UHRF1: variants seen among roughly 807,000 people sequenced by gnomAD.
UHRF1 encodes the protein E3 ubiquitin-protein ligase UHRF1.
In UHRF1, 9 loss-of-function variants were observed where a neutral mutation model predicts 96.5. That is an observed-to-expected ratio of 0.09 (90% CI 0.06 to 0.16). UHRF1 has a LOEUF of 0.16. UHRF1 is among the 10% of genes least tolerant of loss of function. UHRF1 has a pLI of 1.00. For missense variants in UHRF1, 626 were observed against 1,131.1 expected, an observed-to-expected ratio of 0.55 and a Z score of 6.40; for synonymous variants, 455 against 469.9, an observed-to-expected ratio of 0.97 and a Z score of 0.41.
At chr19:4,957,973 T>C (rs2033901747) in intron 16 of UHRF1, among the ~76,000 whole-genome samples, 1 of 152,244 alleles carries the variant, frequency 6.6e-6, no homozygotes, top group African/African-American at 2.4e-5. Context: ...TCTGAGTTGC[T>C]GGCGGTTTTC....
At position 4,956,651 on chromosome 19, in the gene UHRF1, G is replaced by A. The variant is rs2033864063; in HGVS notation, c.2131-58G>A. ...GGTACATGCTCAGCAGGAAGCCACT[G>A]ATCTGTGGGAGCCCTGGTCCCGGTG... is the stretch of plus-strand genomic sequence containing the variant. On this transcript the variant is annotated intron_variant, in intron 15 of 16. Coordinates refer to ENST00000650932, the MANE Select transcript of UHRF1 (RefSeq NM_001048201.3). 6 of 1,098,840 alleles carry A rather than the reference G, an allele frequency of 5.5e-6. No homozygotes were observed. In the South Asian group the frequency reaches 8.0e-5, roughly 15 times the overall value. The allele number at this position is 1,098,840 out of a possible 1,614,324, so 68.1% of individuals were successfully genotyped here.
rs1205710443 is a variant in UHRF1, at chr19:4,952,225, T to G, written c.1818+1229T>G. On this transcript the variant is annotated intron_variant, in intron 13 of 16. Coordinates refer to ENST00000650932, the MANE Select transcript of UHRF1 (RefSeq NM_001048201.3). ...CTCCTGCCTCAGCCTCCTGAGTAGC[T>G]GGGATTACAGGTGCCCACCACCACG... Among the ~76,000 whole-genome samples, 3 of 151,844 alleles carry G rather than the reference T, an allele frequency of 2.0e-5. No homozygotes were observed. The East Asian group carries it at 5.8e-4, about 29-fold the overall frequency.
In UHRF1 at chr19:4,930,276, G is replaced by GT. The variant is rs1183421912; in HGVS notation, c.409-436dup. Among the ~76,000 whole-genome samples the GT allele has an allele frequency of 2.0e-5, 3 of 152,166 alleles. No homozygotes were observed. Among genetic ancestry groups the GT allele is most frequent in the Non-Finnish European group, 4.4e-5 (3 of 68,030 alleles). ...AGGTGTGAGCCACTGCACCCAGTCT[G>GT]TTTTATTTTTTAGTAGACACAGCGT... On this transcript the variant is annotated intron_variant, in intron 3 of 16. Coordinates refer to ENST00000650932, the MANE Select transcript of UHRF1 (RefSeq NM_001048201.3). This position sits in a 1 kb window ranked among gnomAD's most constrained non-coding sequence, Gnocchi z 4.4.
At chr19:4,918,872 C>T (rs2032610925) in intron 2 of UHRF1, among the ~76,000 whole-genome samples, 1 of 151,738 alleles carries the variant, frequency 6.6e-6, no homozygotes, top group Non-Finnish European at 1.5e-5. Flanking sequence ...AGGCTGTATA[C>T]TACTATACCT....
intron 2 of UHRF1, among the ~76,000 whole-genome samples, chr19:4,927,864 C>T (rs1156542724): frequency 6.6e-6 from 1 of 152,240 alleles, no homozygotes; most frequent in Non-Finnish European, 1.5e-5. Flanking sequence ...TACATGGAAA[C>T]CAACCGAGTC....
At position 4,931,298 on chromosome 19, in the gene UHRF1, C is replaced by G. The variant is rs935133652; in HGVS notation, c.569+422C>G. 8.5e-5 allele frequency among the ~76,000 whole-genome samples: 13 copies of G among 152,268 alleles called. No individual in the cohort carries two copies. In the East Asian group the frequency reaches 2.3e-3, roughly 27 times the overall value. On this transcript the variant is annotated intron_variant, in intron 4 of 16. Transcript: ENST00000650932. ...TGGCTGCGTCTGTCCGTGCTGCCAT[C>G]GTGAGATTTCACAGACGGTGTGGCT...
At position 4,911,008 on chromosome 19, in the gene UHRF1, C is replaced by A. The variant is rs758048407; in HGVS notation, c.123C>A (p.Gly41=). The change falls in exon 2 of 17, where the codon GGC becomes GGA. Residue 41 remains glycine, a synonymous_variant. Transcript: ENST00000650932. ...AGGAGCTGTTCCACGTGGAGCCAGG[C>A]CTGCAGAGGCTGTTCTACAGGGGCA... is the stretch of plus-strand genomic sequence containing the variant. ...KIQELFHVEP[G]LQRLFYRGKQ... 4 of 1,610,100 alleles carry A rather than the reference C, an allele frequency of 2.5e-6. No individual in the cohort carries two copies. The highest frequency in any genetic ancestry group is 1.7e-5 in the Admixed American group (1 of 59,702).
At chr19:4,917,921 G>A (rs1046323802) in intron 2 of UHRF1, among the ~76,000 whole-genome samples, 5 of 151,810 alleles carry the variant, frequency 3.3e-5, no homozygotes, top group African/African-American at 1.2e-4. Flanking sequence ...TCGGCCTTCT[G>A]AGTAGTTGGG....
chr19:4,929,128 G>C, intron 2 of UHRF1, 94 bp from the exon 3 acceptor site: 5 of 1,506,706 alleles, frequency 3.3e-6, no homozygotes, highest in Non-Finnish European at 4.5e-6. Flanking sequence ...CCCCCACAAG[G>C]GCTGGGACAC....
intron 13 of UHRF1, among the ~76,000 whole-genome samples, chr19:4,951,401 A>C (rs550614673): frequency 3.1e-4 from 47 of 152,116 alleles, no homozygotes; most frequent in African/African-American, 1.1e-3. Context: ...TGTGGTGCTC[A>C]TGTTCTGGAC....
At chr19:4,942,598 G>A (rs920364123) in intron 7 of UHRF1, among the ~76,000 whole-genome samples, 7 of 152,052 alleles carry the variant, frequency 4.6e-5, no homozygotes, top group Admixed American at 4.6e-4. Flanking sequence ...ACAGGTGCCT[G>A]CCACCACATC....
Position 4,950,643 on chromosome 19 carries a change from A to G in UHRF1, c.1550A>G (p.Asn517Ser). Residue 517 changes from asparagine (N) to serine (S), a missense_variant, in exon 12 of 17, where the codon AAT becomes AGT. This residue lies in a region of UHRF1 where 61 missense variants were observed against 199.2 expected (regional missense o/e 0.31). Coordinates refer to ENST00000650932, the MANE Select transcript of UHRF1 (RefSeq NM_001048201.3). ...GCTCTCAACTGCTTTGCTCCCATCA[A>G]TGACCAAGAAGGGGCCGAGGCCAAG... The part of the protein sequence containing the change: ...ALALNCFAPI[N>S]DQEGAEAKDW... 1.2e-6 allele frequency: 2 copies of G among 1,612,666 alleles called. No individual in the cohort carries two copies. The highest frequency in any genetic ancestry group is 1.7e-6 in the Non-Finnish European group (2 of 1,179,672).
chr19:4,915,013 G>A (rs754827407), intron 2 of UHRF1, among the ~76,000 whole-genome samples: 2 of 152,196 alleles, frequency 1.3e-5, no homozygotes, highest in African/African-American at 2.4e-5. Flanking sequence ...GCGGAGCAGC[G>A]TCCCTGGCCT....
intron 11 of UHRF1, among the ~76,000 whole-genome samples, chr19:4,947,541 C>A (rs909039012): frequency 3.3e-5 from 4 of 119,500 alleles, no homozygotes; most frequent in African/African-American, 1.2e-4. Context: ...CGCTCTGTTG[C>A]CCAGGCTAGA....
intron 2 of UHRF1, among the ~76,000 whole-genome samples, chr19:4,928,111 C>T (rs963264726): frequency 2.0e-5 from 3 of 152,098 alleles, no homozygotes; most frequent in Non-Finnish European, 2.9e-5. Context: ...CACACCCCCC[C>T]ACCCCATACC....
At position 4,961,681 on chromosome 19, in the gene UHRF1, G is replaced by C. The variant is rs1247555410; in HGVS notation, c.*878G>C. 1 of 151,764 alleles carries C rather than the reference G, an allele frequency of 6.6e-6. No individual in the cohort carries two copies. The highest frequency in any genetic ancestry group is 1.5e-5 in the Non-Finnish European group (1 of 67,908). The allele number at this position is 151,764 out of a possible 1,614,324, so 9.4% of individuals were successfully genotyped here. On this transcript the variant is annotated 3_prime_UTR_variant, in exon 17 of 17. Coordinates refer to ENST00000650932, the MANE Select transcript of UHRF1 (RefSeq NM_001048201.3). ...AAACTGCGGTCATCCAGTTCTTCCT[G>C]ACACCGGATGGGTGCTTGGGAACCG...
chr19:4,943,217 C>T (rs1023261897), intron 7 of UHRF1, among the ~76,000 whole-genome samples: 5 of 151,628 alleles, frequency 3.3e-5, no homozygotes, highest in Non-Finnish European at 4.4e-5. Flanking sequence ...TCAAGCCTGG[C>T]GACAGAGTGA....
chr19:4,908,368 G>C (rs2032116548), upstream of UHRF1, among the ~76,000 whole-genome samples: 1 of 152,064 alleles, frequency 6.6e-6, no homozygotes, highest in African/African-American at 2.4e-5. Context: ...AGCTAAGTGG[G>C]AACTCAACAT....
chr19:4,953,421 T>G (rs1490562283), intron 13 of UHRF1, among the ~76,000 whole-genome samples: 1 of 152,178 alleles, frequency 6.6e-6, no homozygotes, highest in Non-Finnish European at 1.5e-5. Context: ...GGCTTCTCTT[T>G]AGCATTTCCA....
Sources: allele counts gnomAD v4.1 joint callset (sites outside exome capture counted in the v4.1 genomes callset), GRCh38; gene constraint gnomAD v4.1.1; regional missense constraint gnomAD v4.1.1; non-coding constraint Gnocchi (gnomAD v3.1); transcripts MANE v1.5; gene names NCBI Gene and HGNC (gene_info 2026-07-23, HGNC 2026-07-21).